RFX3: variants seen among roughly 807,000 people sequenced by gnomAD.
The protein encoded by RFX3 is regulatory factor X3.
RFX3 carries 14 observed loss-of-function variants against 98.6 expected under a neutral mutation model. The observed-to-expected ratio is 0.14, with a 90% CI of 0.09 to 0.22. The LOEUF (loss-of-function observed/expected upper bound fraction) is 0.22, where lower values mean the gene tolerates loss of function less well. Among genes scored for constraint, RFX3 ranks in the 10% least tolerant of loss-of-function variants. The pLI is 1.00. For synonymous variants in RFX3, 383 were observed against 328.4 expected (o/e 1.17, Z -1.80); for missense variants, 639 against 926.9 (o/e 0.69, Z 4.03).
intron 2 of RFX3, 97 bp from the exon 3 acceptor site, chr9:3,346,861 T>C: frequency 2.6e-6 from 2 of 755,734 alleles, no homozygotes; most frequent in South Asian, 1.5e-5. Flanking sequence ...GTATTATTGA[T>C]AAATTTGAGA....
intron 2 of RFX3, among the ~76,000 whole-genome samples, chr9:3,383,088 A>T (rs966497416): frequency 6.6e-6 from 1 of 152,154 alleles, no homozygotes; most frequent in Non-Finnish European, 1.5e-5. Flanking sequence ...AATTGCAAGA[A>T]TTATACAAAA....
rs188685644 is a variant in RFX3, at chr9:3,513,831, C to T, written c.-9+11916G>A. The stretch of plus-strand genomic sequence containing the variant: ...TTCCAAGTTCCAAGATAAAAGAATC[C>T]CACCTTACTTCCAAGACATATGGCA... On this transcript the variant is annotated intron_variant, in intron 1 of 16. Transcript: ENST00000617270. 2.6e-3 allele frequency among the ~76,000 whole-genome samples: 401 copies of T among 152,140 alleles called. 1 individual carries two copies. The South Asian group carries it at 0.031, about 12-fold the overall frequency.
intron 1 of RFX3, among the ~76,000 whole-genome samples, chr9:3,516,566 G>T (rs986799428): frequency 6.6e-6 from 1 of 152,096 alleles, no homozygotes; most frequent in Non-Finnish European, 1.5e-5. Context: ...AAAGGCTCTC[G>T]GAGCTTGTCT....
rs116920005 is a variant in RFX3 at position 3,462,801 on chromosome 9, T to C, written c.-9+62946A>G. 4.4e-3 allele frequency among the ~76,000 whole-genome samples: 666 copies of C among 152,196 alleles called. 2 individuals carry two copies. Among genetic ancestry groups the C allele is most frequent in the Non-Finnish European group, 7.1e-3 (483 of 67,936 alleles). On this transcript the variant is annotated intron_variant, in intron 1 of 16. Coordinates refer to ENST00000617270, the MANE Select transcript of RFX3 (RefSeq NM_001282116.2). Reference sequence around the variant, plus strand: ...TAATATTGCATTGCTAGCATTACAATAGCATGTGATGTCACTTATAATAGT... The same window carrying C: ...TAATATTGCATTGCTAGCATTACAACAGCATGTGATGTCACTTATAATAGT...
At chr9:3,382,858 T>G (rs1327092133) in intron 2 of RFX3, among the ~76,000 whole-genome samples, 3 of 152,120 alleles carry the variant, frequency 2.0e-5, no homozygotes, top group African/African-American at 7.2e-5. Context: ...ATAAAGTGGT[T>G]TAAACTGGAT....
chr9:3,514,221 G>A (rs1817919437), intron 1 of RFX3, among the ~76,000 whole-genome samples: 2 of 151,982 alleles, frequency 1.3e-5, no homozygotes, highest in South Asian at 2.1e-4. Context: ...GCACTAAGGT[G>A]GAAATACTAA....
chr9:3,460,079 GA>G (rs2133042598), intron 1 of RFX3, among the ~76,000 whole-genome samples: 1 of 152,050 alleles, frequency 6.6e-6, no homozygotes, highest in African/African-American at 2.4e-5. Context: ...CATATCAAAG[GA>G]CCCCAGTCTG....
At chr9:3,280,501 A>T (rs1825795101) in intron 7 of RFX3, among the ~76,000 whole-genome samples, 1 of 151,780 alleles carries the variant, frequency 6.6e-6, no homozygotes, top group South Asian at 2.1e-4. Context: ...ACCCTAACTA[A>T]GGAAAATATC....
At chr9:3,231,531 T>C (rs937179100) in intron 15 of RFX3, among the ~76,000 whole-genome samples, 1 of 152,094 alleles carries the variant, frequency 6.6e-6, no homozygotes, top group African/African-American at 2.4e-5. Flanking sequence ...ATTCCCTATA[T>C]TCTGAAGGGT....
intron 1 of RFX3, among the ~76,000 whole-genome samples, chr9:3,512,697 T>C (rs1179257445): frequency 6.6e-6 from 1 of 151,972 alleles, no homozygotes; most frequent in Non-Finnish European, 1.5e-5. Context: ...AAAAAACAAA[T>C]GTGGTGCTCA....
chr9:3,301,954 T>C (rs1291791529), intron 4 of RFX3, among the ~76,000 whole-genome samples: 2 of 151,922 alleles, frequency 1.3e-5, no homozygotes, highest in African/African-American at 2.4e-5. Flanking sequence ...TATGGGATAG[T>C]AACTATTCTC....
intron 15 of RFX3, chr9:3,247,071 T>A (rs1029968449): frequency 2.0e-6 from 2 of 983,684 alleles, no homozygotes; most frequent in African/African-American, 3.5e-5. Context: ...TATAAGCACA[T>A]ACACATAGCT....
chr9:3,379,314 G>A (rs1587414117), intron 2 of RFX3, among the ~76,000 whole-genome samples: 1 of 152,154 alleles, frequency 6.6e-6, no homozygotes, highest in African/African-American at 2.4e-5. Flanking sequence ...GCTTCCCTGG[G>A]GTCATGACTG....
chr9:3,275,232 C>T (rs1825049593), intron 9 of RFX3, among the ~76,000 whole-genome samples: 2 of 151,846 alleles, frequency 1.3e-5, no homozygotes, highest in South Asian at 4.2e-4. Context: ...AGGACAAATA[C>T]CTAGAGGTGG....
chr9:3,293,329 A>G, intron 5 of RFX3, 71 bp from the exon 6 acceptor site: 2 of 1,087,760 alleles, frequency 1.8e-6, no homozygotes, highest in Non-Finnish European at 2.7e-6. Context: ...GACACTGCAA[A>G]TGCAACATAC....
chr9:3,308,247 C>T (rs1235609204), intron 4 of RFX3, among the ~76,000 whole-genome samples: 1 of 152,108 alleles, frequency 6.6e-6, no homozygotes, highest in African/African-American at 2.4e-5. Context: ...GGACTACTGC[C>T]TCACAATCAG....
chr9:3,429,311 C>A (rs1018341482), intron 1 of RFX3, among the ~76,000 whole-genome samples: 46 of 150,742 alleles, frequency 3.1e-4, no homozygotes, highest in Non-Finnish European at 6.0e-4. Context: ...CGTGAGCCAC[C>A]GCGCCCGGCC....
At chr9:3,497,366 A>G (rs1043543823) in intron 1 of RFX3, among the ~76,000 whole-genome samples, 1 of 152,032 alleles carries the variant, frequency 6.6e-6, no homozygotes, top group Non-Finnish European at 1.5e-5. Context: ...CCAAATTTAA[A>G]TATTAAATTC....
intron 14 of RFX3, among the ~76,000 whole-genome samples, chr9:3,250,617 C>T (rs1162414587): frequency 6.6e-6 from 1 of 151,746 alleles, no homozygotes. Context: ...ACACAATTGA[C>T]CAAAGATAGT....
Sources: allele counts gnomAD v4.1 joint callset (sites outside exome capture counted in the v4.1 genomes callset), GRCh38; gene constraint gnomAD v4.1.1; transcripts MANE v1.5; gene names NCBI Gene and HGNC (gene_info 2026-07-23, HGNC 2026-07-21).